Variants in RAB11FIP4 observed in about 807,000 individuals in gnomAD.
RAB11FIP4 encodes the protein rab11 family-interacting protein 4.
In RAB11FIP4, 23 loss-of-function variants were observed where a neutral mutation model predicts 74.3. The ratio of observed to expected loss-of-function variants is 0.31; its 90% confidence interval spans 0.22 to 0.44. The LOEUF is 0.44. RAB11FIP4 is among the 20% of genes least tolerant of loss of function. The pLI is 1.00. For synonymous variants in RAB11FIP4, 360 were observed against 359.9 expected, an observed-to-expected ratio of 1.00 and a Z score of 0.00; for missense variants, 630 against 863.9, an observed-to-expected ratio of 0.73 and a Z score of 3.39.
At chr17:31,460,780 G>A (rs2071626348) in intron 3 of RAB11FIP4, among the ~76,000 whole-genome samples, 1 of 152,020 alleles carries the variant, frequency 6.6e-6, no homozygotes, top group Non-Finnish European at 1.5e-5. Context: ...ACCCAGGCTG[G>A]AGTGCAGTGG....
Position 31,536,951 on chromosome 17 carries a change from C to G in RAB11FIP4, c.*5219C>G, listed in dbSNP as rs1432419755. On this transcript the variant is annotated 3_prime_UTR_variant, in exon 15 of 15. Coordinates refer to ENST00000621161, the MANE Select transcript of RAB11FIP4 (RefSeq NM_032932.6). ...CCCCGACCTCGTAGGTTGCTCCTTTCCCCATCTGTAAGGTAGAGATGTCTG... is the reference window on the plus strand; with the variant it reads ...CCCCGACCTCGTAGGTTGCTCCTTTGCCCATCTGTAAGGTAGAGATGTCTG... The G allele has an allele frequency of 2.5e-6, 1 of 399,008 alleles. No individual in the cohort carries two copies. Among genetic ancestry groups the G allele is most frequent in the Admixed American group, 4.4e-5 (1 of 22,710 alleles). The allele number at this position is 399,008 out of a possible 1,614,324, so 24.7% of individuals were successfully genotyped here.
intron 3 of RAB11FIP4, among the ~76,000 whole-genome samples, chr17:31,475,559 G>A (rs970432952): frequency 3.3e-5 from 5 of 152,126 alleles, no homozygotes; most frequent in African/African-American, 1.2e-4. Flanking sequence ...TGCACATTCT[G>A]TATTTGCAAA....
chr17:31,478,912 T>C (rs1209832543), intron 3 of RAB11FIP4, among the ~76,000 whole-genome samples: 1 of 152,204 alleles, frequency 6.6e-6, no homozygotes, highest in Admixed American at 6.5e-5. Flanking sequence ...AGGCCTTTAA[T>C]TGCTCATGGT....
In RAB11FIP4 at chr17:31,537,034, G is replaced by C; in HGVS notation, c.*5302G>C. The C allele has an allele frequency of 2.5e-6, 1 of 399,352 alleles. No homozygotes were observed. The highest frequency in any genetic ancestry group is 4.4e-6 in the Non-Finnish European group (1 of 226,236). 24.7% of individuals were successfully genotyped at this position (399,352 alleles called of 1,614,324 possible). A position where few individuals can be genotyped will look rare whatever the true frequency, so the allele number is the denominator to read the frequency against. ...GCCATGTCTCCTGCAGGATCCAAGT[G>C]CTGTTGTCCCCAGGGTGACCCTGCC... On this transcript the variant is annotated 3_prime_UTR_variant, in exon 15 of 15. Coordinates refer to ENST00000621161, the MANE Select transcript of RAB11FIP4 (RefSeq NM_032932.6).
chr17:31,464,608 C>T (rs2071666135), intron 3 of RAB11FIP4, among the ~76,000 whole-genome samples: 1 of 151,922 alleles, frequency 6.6e-6, no homozygotes, highest in Non-Finnish European at 1.5e-5. Context: ...CCCACCACCA[C>T]ACCCAGCTAA....
At position 31,535,986 on chromosome 17, in the gene RAB11FIP4, CACA is replaced by C. The variant is rs1216320557; in HGVS notation, c.*4255_*4257del. 2.7e-5 allele frequency: 4 copies of C among 147,484 alleles called. No homozygotes were observed. The highest frequency in any genetic ancestry group is 5.9e-5 in the Non-Finnish European group (4 of 67,488). 9.1% of individuals were successfully genotyped at this position (147,484 alleles called of 1,614,324 possible). A position where few individuals can be genotyped will look rare whatever the true frequency, so the allele number is the denominator to read the frequency against. ...GTTAGCCAAACCAGCATCCTACTCACACACCGGACACTCCAGGTGCTAGTCCAC... is the reference window on the plus strand; with the variant it reads ...GTTAGCCAAACCAGCATCCTACTCACCCGGACACTCCAGGTGCTAGTCCAC... On this transcript the variant is annotated 3_prime_UTR_variant, in exon 15 of 15. Coordinates refer to ENST00000621161, the MANE Select transcript of RAB11FIP4 (RefSeq NM_032932.6).
At chr17:31,499,747 C>G (rs143595420) in intron 3 of RAB11FIP4, among the ~76,000 whole-genome samples, 1 of 152,084 alleles carries the variant, frequency 6.6e-6, no homozygotes, top group Non-Finnish European at 1.5e-5. Flanking sequence ...ACATGGTAGG[C>G]GCCCTAGTAT....
At chr17:31,476,642 C>T (rs2071796226) in intron 3 of RAB11FIP4, among the ~76,000 whole-genome samples, 2 of 152,192 alleles carry the variant, frequency 1.3e-5, no homozygotes, top group Admixed American at 6.5e-5. Context: ...CAGTGGGGAC[C>T]ACAGGGGACC....
At chr17:31,529,598 A>G (rs1049363699) in intron 13 of RAB11FIP4, among the ~76,000 whole-genome samples, 1 of 152,164 alleles carries the variant, frequency 6.6e-6, no homozygotes, top group Non-Finnish European at 1.5e-5. Context: ...GCGCTGCCTT[A>G]GCTAGAGACC....
chr17:31,488,117 C>A, intron 3 of RAB11FIP4: 1 of 1,027,466 alleles, frequency 9.7e-7, no homozygotes, highest in Non-Finnish European at 1.2e-6. Flanking sequence ...CACTGGTGCC[C>A]AGAAGTGCGA....
intron 3 of RAB11FIP4, among the ~76,000 whole-genome samples, chr17:31,484,434 A>T (rs1267278070): frequency 6.6e-6 from 1 of 151,854 alleles, no homozygotes; most frequent in Non-Finnish European, 1.5e-5. Context: ...CAGGGTACCT[A>T]ACTCAAGACC....
intron 6 of RAB11FIP4, 27 bp downstream of exon 6, chr17:31,522,076 G>C: frequency 6.2e-7 from 1 of 1,613,552 alleles, no homozygotes. Context: ...GCTGGGGGGT[G>C]AGAGGCCGGG....
intron 1 of RAB11FIP4, among the ~76,000 whole-genome samples, chr17:31,399,346 T>C (rs903139547): frequency 6.6e-6 from 1 of 152,238 alleles, no homozygotes; most frequent in Non-Finnish European, 1.5e-5. Flanking sequence ...GTAAATGCGC[T>C]GAAATTTTTA....
chr17:31,420,070 A>G lies in RAB11FIP4; in HGVS notation c.160-11743A>G, dbSNP rs571665061. On this transcript the variant is annotated intron_variant, in intron 1 of 14. Coordinates refer to ENST00000621161, the MANE Select transcript of RAB11FIP4 (RefSeq NM_032932.6). ...AATTAATTTCTTTAATCACTCAAGG[A>G]CTGTTCAGATTATCTATTTCTTCTT... Among the ~76,000 whole-genome samples, 4 of 152,226 alleles carry G rather than the reference A, an allele frequency of 2.6e-5. No individual in the cohort carries two copies. The South Asian group carries it at 8.3e-4, about 32-fold the overall frequency.
At chr17:31,468,468 T>A (rs553365619) in intron 3 of RAB11FIP4, among the ~76,000 whole-genome samples, 2 of 152,324 alleles carry the variant, frequency 1.3e-5, no homozygotes, top group South Asian at 4.1e-4. Flanking sequence ...GGAAGAGCAA[T>A]GCATTCTCTG....
intron 3 of RAB11FIP4, among the ~76,000 whole-genome samples, chr17:31,473,588 G>T (rs956795361): frequency 6.6e-6 from 1 of 152,178 alleles, no homozygotes; most frequent in Non-Finnish European, 1.5e-5. Flanking sequence ...CTGGAATCGG[G>T]AAGAGTTAGG....
intron 3 of RAB11FIP4, among the ~76,000 whole-genome samples, chr17:31,497,643 G>T (rs1316462294): frequency 6.6e-6 from 1 of 152,160 alleles, no homozygotes; most frequent in African/African-American, 2.4e-5. Flanking sequence ...AGGCTGCACA[G>T]GGTCTGGCTG....
At position 31,403,543 on chromosome 17, in the gene RAB11FIP4, C is replaced by A. The variant is rs141450724; in HGVS notation, c.159+11532C>A. 7.3e-3 allele frequency among the ~76,000 whole-genome samples: 1,118 copies of A among 152,176 alleles called. 8 individuals are homozygous for A. The highest frequency in any genetic ancestry group is 0.025 in the African/African-American group (1,044 of 41,516). The stretch of plus-strand genomic sequence containing the variant: ...TTCACCATGTTGGCCAGGATGATCT[C>A]GATCTCCTGACCTTGTGATCCACCC... On this transcript the variant is annotated intron_variant, in intron 1 of 14. Coordinates refer to ENST00000621161, the MANE Select transcript of RAB11FIP4 (RefSeq NM_032932.6).
intron 1 of RAB11FIP4, among the ~76,000 whole-genome samples, chr17:31,429,448 A>G (rs995321559): frequency 6.6e-6 from 1 of 152,204 alleles, no homozygotes; most frequent in Non-Finnish European, 1.5e-5. Context: ...CTAGCTCACC[A>G]GTCAGAAAGG....
Sources: allele counts gnomAD v4.1 joint callset (sites outside exome capture counted in the v4.1 genomes callset), GRCh38; gene constraint gnomAD v4.1.1; transcripts MANE v1.5; gene names NCBI Gene and HGNC (gene_info 2026-07-23, HGNC 2026-07-21).